Variants in PARG observed in about 807,000 individuals in gnomAD.
PARG encodes the protein mitochondrial poly(ADP-ribose) glycohydrolase.
In PARG, 35 loss-of-function variants were observed where a neutral mutation model predicts 113.0. That is an observed-to-expected ratio of 0.31 (90% CI 0.24 to 0.41). The LOEUF (loss-of-function observed/expected upper bound fraction) is 0.41. Among genes scored for constraint, PARG ranks in the 10% least tolerant of loss-of-function variants. PARG has a pLI of 1.00. For missense variants in PARG, 797 were observed against 1,169.4 expected (o/e 0.68, Z 4.64); for synonymous variants, 330 against 409.9 (o/e 0.81, Z 2.36).
chr10:49,935,499 T>C (rs1403265592), intron 1 of PARG, among the ~76,000 whole-genome samples: 5 of 152,230 alleles, frequency 3.3e-5, no homozygotes, highest in African/African-American at 1.2e-4. Flanking sequence ...AATAACTATC[T>C]CATGAGATAA....
chr10:49,837,804 T>C (rs1845017839), intron 15 of PARG, among the ~76,000 whole-genome samples: 2 of 152,228 alleles, frequency 1.3e-5, no homozygotes, highest in Admixed American at 6.5e-5. Context: ...CCTTCCCATG[T>C]GCCAGGCCCT....
Position 49,914,269 on chromosome 10 carries a change from A to T in PARG, c.1737+1648T>A, listed in dbSNP as rs547721265. Among the ~76,000 whole-genome samples, 50 of 152,370 alleles carry T rather than the reference A, an allele frequency of 3.3e-4. 1 individual carries two copies. The highest frequency in any genetic ancestry group is 9.9e-4 in the African/African-American group (41 of 41,594). On this transcript the variant is annotated intron_variant, in intron 7 of 17. Transcript: ENST00000616448. ...GTCCAATTTAAGCTCAGAAAGTTAC[A>T]ATACAAATGTTATGTCCTGATAACT...
chr10:49,889,130 C>G lies in PARG; in HGVS notation c.1738-3835G>C, dbSNP rs561501485. On this transcript the variant is annotated intron_variant, in intron 7 of 17. Transcript: ENST00000616448. ...TTCAAGTATGTTTATAATTGCTCAG[C>G]CTTCTTGTGATGGCTACTTTAAAAT... Among the ~76,000 whole-genome samples the G allele has an allele frequency of 8.2e-4, 123 of 150,156 alleles. 1 individual carries two copies. The highest frequency in any genetic ancestry group is 2.8e-3 in the African/African-American group (115 of 40,886).
chr10:49,903,504 A>G (rs1368866449), intron 7 of PARG, among the ~76,000 whole-genome samples: 1 of 151,944 alleles, frequency 6.6e-6, no homozygotes, highest in Admixed American at 6.6e-5. Flanking sequence ...TGCATTAGCC[A>G]TGGGCTAGAA....
At chr10:49,831,578 G>A (rs970562963) in intron 16 of PARG, among the ~76,000 whole-genome samples, 8 of 152,084 alleles carry the variant, frequency 5.3e-5, no homozygotes, top group Non-Finnish European at 1.2e-4. Flanking sequence ...TCAATCATGT[G>A]GCCAATGATT....
intron 8 of PARG, among the ~76,000 whole-genome samples, chr10:49,883,513 G>A (rs556563564): frequency 6.7e-6 from 1 of 148,370 alleles, no homozygotes; most frequent in South Asian, 2.2e-4. Context: ...TTTAAGAGGT[G>A]GAGTCTTGGG....
chr10:49,916,894 TA>T (rs1481277162), intron 6 of PARG, among the ~76,000 whole-genome samples: 3 of 152,190 alleles, frequency 2.0e-5, no homozygotes, highest in African/African-American at 7.2e-5. Context: ...AAACCACTGT[TA>T]GATTATTACT....
intron 17 of PARG, 117 bp downstream of exon 17, chr10:49,820,048 A>T: frequency 1.4e-6 from 1 of 705,938 alleles, no homozygotes; most frequent in Non-Finnish European, 2.4e-6. Flanking sequence ...CTTCCTGCTT[A>T]GAGCCATGCT....
intron 7 of PARG, among the ~76,000 whole-genome samples, chr10:49,907,813 A>T (rs1836937980): frequency 2.0e-5 from 3 of 152,202 alleles, no homozygotes. Flanking sequence ...GCTGATAGAG[A>T]TATAAATCAT....
chr10:49,838,469 C>G (rs1222505711), intron 15 of PARG, among the ~76,000 whole-genome samples: 1 of 142,084 alleles, frequency 7.0e-6, no homozygotes, highest in African/African-American at 2.6e-5. Flanking sequence ...GATTTGAAGT[C>G]AGGGGAGCCT....
chr10:49,870,118 T>G (rs1257897692), intron 9 of PARG, among the ~76,000 whole-genome samples: 1 of 151,718 alleles, frequency 6.6e-6, no homozygotes, highest in African/African-American at 2.4e-5. Flanking sequence ...ATTTATATGT[T>G]GAATCCTTAA....
At chr10:49,932,378 A>G in intron 3 of PARG, 95 bp from the exon 4 acceptor site, 1 of 763,438 alleles carries the variant, frequency 1.3e-6, no homozygotes, top group Non-Finnish European at 2.4e-6. Context: ...GTTATTGTTT[A>G]AAGTATGCCA....
intron 13 of PARG, among the ~76,000 whole-genome samples, chr10:49,856,715 T>C (rs868941838): frequency 1.4e-3 from 216 of 152,160 alleles, no homozygotes; most frequent in African/African-American, 5.0e-3. Flanking sequence ...TATTATGTCA[T>C]AAAATTTCAA....
intron 9 of PARG, among the ~76,000 whole-genome samples, chr10:49,877,983 G>C (rs1259227909): frequency 3.9e-5 from 6 of 151,938 alleles, no homozygotes; most frequent in African/African-American, 1.2e-4. Context: ...AAGGAAATAT[G>C]GTAACTTTAC....
At chr10:49,862,330 C>T in intron 11 of PARG, among the ~76,000 whole-genome samples, 1 of 151,272 alleles carries the variant, frequency 6.6e-6, no homozygotes, top group South Asian at 2.1e-4. Context: ...TATTTTTCCC[C>T]TGATCACTTA....
At chr10:49,932,370 T>C (rs1589011051) in intron 3 of PARG, 87 bp from the exon 4 acceptor site, 3 of 807,758 alleles carry the variant, frequency 3.7e-6, no homozygotes, top group Non-Finnish European at 6.6e-6. Context: ...ACCCAGACGT[T>C]ATTGTTTAAA....
At position 49,818,605 on chromosome 10, in the gene PARG, C is replaced by A. The variant is rs1843910255; in HGVS notation, c.*735G>T. 6.6e-6 allele frequency: 1 copy of A among 152,510 alleles called. No individual in the cohort carries two copies. The highest frequency in any genetic ancestry group is 2.1e-4 in the South Asian group (1 of 4,828). 9.4% of individuals were successfully genotyped at this position (152,510 alleles called of 1,614,324 possible). The stretch of plus-strand genomic sequence containing the variant: ...TCTTCAATTCTCTTGAATCTGTTTT[C>A]TTTACACCACATCAGGAAAACCTCC... On this transcript the variant is annotated 3_prime_UTR_variant, in exon 18 of 18. Transcript: ENST00000616448.
chr10:49,857,009 C>CAA lies in PARG; in HGVS notation c.2353+295_2353+296dup, dbSNP rs71270682. On this transcript the variant is annotated intron_variant, in intron 13 of 17. Coordinates refer to ENST00000616448, the MANE Select transcript of PARG (RefSeq NM_003631.5). ...GGGCAACAACAGCAAACCTCTGTCTCAAAAAAAAAAAAAAAAAAAAAAAAA... is the reference window on the plus strand; with the variant it reads ...GGGCAACAACAGCAAACCTCTGTCTCAAAAAAAAAAAAAAAAAAAAAAAAAAA... Among the ~76,000 whole-genome samples, 511 of 74,096 alleles carry CAA rather than the reference C, an allele frequency of 6.9e-3. 2 individuals are homozygous for CAA. The highest frequency in any genetic ancestry group is 0.022 in the African/African-American group (401 of 18,404). 48.6% of individuals were successfully genotyped at this position (74,096 alleles called of 152,430 possible).
At chr10:49,896,029 C>T (rs1848068755) in intron 7 of PARG, among the ~76,000 whole-genome samples, 1 of 152,134 alleles carries the variant, frequency 6.6e-6, no homozygotes, top group South Asian at 2.1e-4. Context: ...ACACCGTCAA[C>T]TACAAACAGA....
Sources: allele counts gnomAD v4.1 joint callset (sites outside exome capture counted in the v4.1 genomes callset), GRCh38; gene constraint gnomAD v4.1.1; transcripts MANE v1.5; gene names NCBI Gene and HGNC (gene_info 2026-07-23, HGNC 2026-07-21).